HTT: variants seen among roughly 807,000 people sequenced by gnomAD.
HTT encodes the protein huntingtin, also known as huntington disease protein.
A neutral mutation model predicts 362.3 loss-of-function variants in HTT; 104 were observed. The ratio of observed to expected loss-of-function variants is 0.29; its 90% CI spans 0.24 to 0.34. The LOEUF (loss-of-function observed/expected upper bound fraction) is 0.34, where lower values mean the gene tolerates loss of function less well. Among genes scored for constraint, HTT ranks in the 10% least tolerant of loss-of-function variants. The pLI is 1.00. For missense variants in HTT, 3,301 were observed against 3,928.6 expected (o/e 0.84, Z 4.27); for synonymous variants, 1,577 against 1,548.7 (o/e 1.02, Z -0.43).
Position 3,160,355 on chromosome 4 carries a change from A to G in HTT, c.3827A>G (p.Gln1276Arg). 1 of 1,555,226 alleles carries G rather than the reference A, an allele frequency of 6.4e-7. No individual in the cohort carries two copies. Among genetic ancestry groups the G allele is most frequent in the Non-Finnish European group, 8.7e-7 (1 of 1,148,176 alleles). Residue 1276 changes from glutamine (Q) to arginine (R), a missense_variant, in exon 29 of 67, where the codon CAG (glutamine) becomes CGG (arginine). Physicochemically the swap from Gln to Arg is conservative, Grantham distance 43. This residue lies in a region of HTT where 2,316 missense variants were observed against 2,658.5 expected (regional missense o/e 0.87). Transcript: ENST00000355072. ...CGCTCAGCCTTGGATGTTCTTTCTC[A>G]GATACTAGAGCTGGCCACACTGCAG... ...FLRSALDVLS[Q>R]ILELATLQDI...
At position 3,220,438 on chromosome 4, in the gene HTT, A is replaced by G. The variant is rs1442154903; in HGVS notation, c.7369+130A>G. On this transcript the variant is annotated intron_variant, in intron 53 of 66. Coordinates refer to ENST00000355072, the MANE Select transcript of HTT (RefSeq NM_001388492.1). ...TTAAGCATGATAATAATACAAACCTATGTGAATACATTTTGCAGTGTTGGC... is the reference window on the plus strand; with the variant it reads ...TTAAGCATGATAATAATACAAACCTGTGTGAATACATTTTGCAGTGTTGGC... The G allele has an allele frequency of 2.2e-5, 20 of 923,288 alleles. 1 individual carries two copies. In the South Asian group the frequency reaches 2.7e-4, roughly 13 times the overall value. 57.2% of individuals were successfully genotyped at this position (923,288 alleles called of 1,614,324 possible).
At chr4:3,125,164 G>A (rs1715464762) in intron 10 of HTT, among the ~76,000 whole-genome samples, 1 of 152,048 alleles carries the variant, frequency 6.6e-6, no homozygotes, top group African/African-American at 2.4e-5. Context: ...TGTCATTGGA[G>A]CTATGACATG....
At chr4:3,214,207 C>A in intron 50 of HTT, 72 bp downstream of exon 50, 1 of 1,221,472 alleles carries the variant, frequency 8.2e-7, no homozygotes, top group Non-Finnish European at 1.1e-6. Context: ...TTATTTTGTG[C>A]TGCCTGTTTG....
chr4:3,231,672 T>C (rs1046432813), intron 60 of HTT, among the ~76,000 whole-genome samples: 4 of 151,736 alleles, frequency 2.6e-5, no homozygotes, highest in African/African-American at 4.8e-5. Context: ...AACAATTGAG[T>C]GTGTGGGTTC....
At chr4:3,107,698 A>G (rs1483833969) in intron 6 of HTT, among the ~76,000 whole-genome samples, 1 of 152,212 alleles carries the variant, frequency 6.6e-6, no homozygotes, top group Non-Finnish European at 1.5e-5. Context: ...TTTTCGGCGT[A>G]CTAGAGTGAC....
At chr4:3,230,914 G>A (rs763035094) in intron 60 of HTT, among the ~76,000 whole-genome samples, 9 of 152,168 alleles carry the variant, frequency 5.9e-5, no homozygotes, top group Non-Finnish European at 1.2e-4. Context: ...CCATCCCAGC[G>A]GTCAAGTGTT....
In HTT at chr4:3,215,193, G is replaced by A. The variant is rs576032337; in HGVS notation, c.7036G>A (p.Val2346Ile). ...PKAISEEEEE[V>I]DPNTQNPKYI... ...AGCCATCAGCGAGGAGGAGGAGGAA[G>A]TAGATCCAAACACACAGAGTAAGTC... is the stretch of plus-strand genomic sequence containing the variant. The change falls in exon 51 of 67, where the codon GTA (valine) becomes ATA (isoleucine). Residue 2346 changes from valine (V) to isoleucine (I), a missense_variant. Physicochemically the swap from Val to Ile is conservative, Grantham distance 29. Coordinates refer to ENST00000355072, the MANE Select transcript of HTT (RefSeq NM_001388492.1). 53 of 1,613,782 alleles carry A rather than the reference G, an allele frequency of 3.3e-5. 1 individual carries two copies. Among genetic ancestry groups the A allele is most frequent in the South Asian group, 2.0e-4 (18 of 91,024 alleles).
chr4:3,116,479 C>T (rs1715034698), intron 8 of HTT, among the ~76,000 whole-genome samples: 1 of 152,104 alleles, frequency 6.6e-6, no homozygotes, highest in African/African-American at 2.4e-5. Context: ...CCTCAGGTGC[C>T]GTGTTACCTA....
At chr4:3,163,396 TTG>T (rs1717539015) in intron 29 of HTT, among the ~76,000 whole-genome samples, 1 of 152,224 alleles carries the variant, frequency 6.6e-6, no homozygotes, top group African/African-American at 2.4e-5. Context: ...TCTTTTTTTG[TTG>T]TGTCTCTGCC....
At chr4:3,149,700 C>T (rs1716785242) in intron 26 of HTT, among the ~76,000 whole-genome samples, 1 of 152,202 alleles carries the variant, frequency 6.6e-6, no homozygotes, top group Non-Finnish European at 1.5e-5. Flanking sequence ...ACTTCCCATT[C>T]TCCTTTAGCT....
At chr4:3,223,765 G>A (rs896950128) in intron 55 of HTT, among the ~76,000 whole-genome samples, 3 of 152,218 alleles carry the variant, frequency 2.0e-5, no homozygotes, top group Non-Finnish European at 4.4e-5. Context: ...AGGAACTGAC[G>A]TGGGGTTATT....
intron 40 of HTT, among the ~76,000 whole-genome samples, chr4:3,196,281 G>T (rs748659064): frequency 2.0e-5 from 3 of 152,074 alleles, no homozygotes; most frequent in East Asian, 3.9e-4. Context: ...AGGGACCCTG[G>T]GTTCCTCATA....
chr4:3,115,520 A>G, intron 7 of HTT, 75 bp downstream of exon 7: 3 of 1,203,930 alleles, frequency 2.5e-6, no homozygotes, highest in Non-Finnish European at 3.6e-6. Flanking sequence ...ATAAAACCAG[A>G]TGATCCCTCA....
intron 60 of HTT, among the ~76,000 whole-genome samples, chr4:3,231,467 C>G (rs1389354715): frequency 6.6e-6 from 1 of 152,178 alleles, no homozygotes; most frequent in Non-Finnish European, 1.5e-5. Context: ...GCTGGCTTGT[C>G]TGGGTCACAC....
intron 10 of HTT, among the ~76,000 whole-genome samples, chr4:3,124,555 G>T (rs1715435200): frequency 6.6e-6 from 1 of 152,144 alleles, no homozygotes; most frequent in African/African-American, 2.4e-5. Context: ...TGCCTTTGAG[G>T]AAATTACCCT....
At position 3,228,554 on chromosome 4, in the gene HTT, C is replaced by T. The variant is rs1721034090; in HGVS notation, c.7849-61C>T. On this transcript the variant is annotated intron_variant, in intron 57 of 66. Transcript: ENST00000355072. This position sits in a 1 kb window ranked among gnomAD's most constrained non-coding sequence, Gnocchi z 4.3. ...TGTGCTGAGTCCCAGTGGCCACACC[C>T]ACCCACCAGGAGCCTGGCACTGTGG... The T allele has an allele frequency of 6.6e-6, 10 of 1,504,984 alleles. No homozygotes were observed. Among genetic ancestry groups the T allele is most frequent in the Non-Finnish European group, 8.9e-6 (10 of 1,126,378 alleles). The allele number at this position is 1,504,984 out of a possible 1,614,324, so 93.2% of individuals were successfully genotyped here. A position where few individuals can be genotyped will look rare whatever the true frequency, so the allele number is the denominator to read the frequency against.
At chr4:3,187,616 C>A (rs753495566) in intron 38 of HTT, 35 bp from the exon 39 acceptor site, 2 of 1,474,140 alleles carry the variant, frequency 1.4e-6, no homozygotes, top group African/African-American at 2.8e-5. Flanking sequence ...TTCCTTTTTT[C>A]TTCAGCTGTG....
At chr4:3,125,730 G>C (rs915451092) in intron 11 of HTT, 101 bp downstream of exon 11, 47 of 824,370 alleles carry the variant, frequency 5.7e-5, no homozygotes, top group Non-Finnish European at 6.5e-5. Context: ...CAGCACGACT[G>C]GGGGCAGCAG....
intron 29 of HTT, 96 bp downstream of exon 29, chr4:3,160,488 G>A: frequency 1.2e-6 from 1 of 853,952 alleles, no homozygotes; most frequent in Non-Finnish European, 1.9e-6. Flanking sequence ...GGTTCTCCAG[G>A]GTGCCTCCGG....
Sources: gnomAD v4.1 joint callset for allele counts (sites outside exome capture counted in the v4.1 genomes callset) on GRCh38, gnomAD v4.1.1 for gene constraint, gnomAD v4.1.1 regional missense constraint, Gnocchi (gnomAD v3.1) non-coding constraint, MANE v1.5 for transcripts, NCBI Gene and HGNC (gene_info 2026-07-23, HGNC 2026-07-21) for gene names.